TMEM117: variants seen among roughly 807,000 people sequenced by gnomAD.
TMEM117 encodes the protein transmembrane protein 117.
Under a neutral mutation model 52.4 loss-of-function variants are expected in TMEM117, and 27 were observed. That is an observed-to-expected ratio of 0.51 (90% CI 0.38 to 0.71). The LOEUF (loss-of-function observed/expected upper bound fraction) is 0.71. Among genes scored for constraint, TMEM117 ranks in the 30% least tolerant of loss-of-function variants. The pLI, the probability that TMEM117 is intolerant of heterozygous loss-of-function variation, is 0.00. For synonymous variants in TMEM117, 215 were observed against 206.3 expected, an observed-to-expected ratio of 1.04 and a Z score of -0.36; for missense variants, 556 against 630.5, an observed-to-expected ratio of 0.88 and a Z score of 1.26.
chr12:43,985,510 TATTA>T (rs1193225299), intron 3 of TMEM117, among the ~76,000 whole-genome samples: 1 of 152,206 alleles, frequency 6.6e-6, no homozygotes, highest in Non-Finnish European at 1.5e-5. Flanking sequence ...ACTTTTTACA[TATTA>T]ATTATGATAG....
At chr12:44,304,360 T>A (rs1198641284) in intron 6 of TMEM117, among the ~76,000 whole-genome samples, 1 of 152,202 alleles carries the variant, frequency 6.6e-6, no homozygotes, top group African/African-American at 2.4e-5. Context: ...TAAAGTGCTT[T>A]GGGATCCCAA....
intron 6 of TMEM117, among the ~76,000 whole-genome samples, chr12:44,365,168 CT>C (rs751262261): frequency 2.3e-4 from 35 of 152,010 alleles, no homozygotes; most frequent in Non-Finnish European, 5.9e-5. Context: ...AAATGCATAT[CT>C]CAGCCTGCAT....
chr12:44,074,413 C>T (rs896800541), intron 3 of TMEM117, among the ~76,000 whole-genome samples: 15 of 151,944 alleles, frequency 9.9e-5, no homozygotes, highest in African/African-American at 2.9e-4. Context: ...AAATTAATAG[C>T]GCCTATGGAA....
chr12:43,921,186 C>T (rs1231502854), intron 2 of TMEM117, among the ~76,000 whole-genome samples: 1 of 152,138 alleles, frequency 6.6e-6, no homozygotes, highest in Non-Finnish European at 1.5e-5. Flanking sequence ...CTCTATCTGT[C>T]TTATCTATCT....
chr12:43,908,549 G>A (rs1350460810), intron 2 of TMEM117, among the ~76,000 whole-genome samples: 2 of 150,888 alleles, frequency 1.3e-5, no homozygotes, highest in South Asian at 2.1e-4. Flanking sequence ...GACACAGACT[G>A]GCAAATTGGA....
chr12:44,275,002 A>G lies in TMEM117; in HGVS notation c.609-24578A>G, dbSNP rs1259910166. ...TTCTGCACAGCAGTGGAAACAATCAACAAAGTAAAAATCCCACAGAATGGG... is the reference window on the plus strand; with the variant it reads ...TTCTGCACAGCAGTGGAAACAATCAGCAAAGTAAAAATCCCACAGAATGGG... On this transcript the variant is annotated intron_variant, in intron 5 of 7. Coordinates refer to ENST00000266534, the MANE Select transcript of TMEM117 (RefSeq NM_032256.3). Among the ~76,000 whole-genome samples, 4 of 152,122 alleles carry G rather than the reference A, an allele frequency of 2.6e-5. No homozygotes were observed. The East Asian group carries it at 7.7e-4, about 29-fold the overall frequency.
At chr12:43,862,528 G>A (rs1450210098) in intron 2 of TMEM117, among the ~76,000 whole-genome samples, 7 of 152,228 alleles carry the variant, frequency 4.6e-5, no homozygotes, top group East Asian at 1.9e-4. Context: ...ATAACCTAAC[G>A]TCCTGAATGC....
chr12:44,312,688 A>G (rs1031281826), intron 6 of TMEM117, among the ~76,000 whole-genome samples: 28 of 152,146 alleles, frequency 1.8e-4, no homozygotes, highest in African/African-American at 6.5e-4. Flanking sequence ...GAAATCTCCA[A>G]ATTGCTTTCC....
In TMEM117 at chr12:44,364,473, C is replaced by A. The variant is rs17094537; in HGVS notation, c.769-12122C>A. ...CAGAGATATTATATGAAGCTTCAAC[C>A]TCACAATAACATTACAGATTAGTTT... On this transcript the variant is annotated intron_variant, in intron 6 of 7. Transcript: ENST00000266534. 6.4e-3 allele frequency among the ~76,000 whole-genome samples: 974 copies of A among 152,092 alleles called. 13 individuals are homozygous for A. Among genetic ancestry groups the A allele is most frequent in the African/African-American group, 0.022 (896 of 41,524 alleles).
At chr12:44,242,837 A>G (rs1287036925) in intron 5 of TMEM117, among the ~76,000 whole-genome samples, 4 of 151,530 alleles carry the variant, frequency 2.6e-5, no homozygotes, top group Non-Finnish European at 5.9e-5. Flanking sequence ...AGGAATCACC[A>G]TACTGCTTTC....
At chr12:44,321,047 A>G (rs1183426933) in intron 6 of TMEM117, among the ~76,000 whole-genome samples, 3 of 152,192 alleles carry the variant, frequency 2.0e-5, no homozygotes, top group African/African-American at 7.2e-5. Flanking sequence ...TTTCGGATCA[A>G]TGTACTTGTG....
At position 44,254,756 on chromosome 12, in the gene TMEM117, C is replaced by A. The variant is rs192805647; in HGVS notation, c.608+43369C>A. On this transcript the variant is annotated intron_variant, in intron 5 of 7. Transcript: ENST00000266534. ...ATGTGCCATGTTGATGTGCTGCACC[C>A]ATTAACTCGTCATTTAGCATTAGGT... Among the ~76,000 whole-genome samples the A allele has an allele frequency of 9.9e-3, 1,506 of 152,020 alleles. 32 individuals carry two copies. Among genetic ancestry groups the A allele is most frequent in the African/African-American group, 0.034 (1,422 of 41,466 alleles).
intron 3 of TMEM117, among the ~76,000 whole-genome samples, chr12:44,123,614 C>A (rs1948273512): frequency 1.3e-5 from 2 of 152,190 alleles, no homozygotes. Flanking sequence ...CAATTTTCTG[C>A]ATATGGCTAG....
At chr12:44,150,370 A>C (rs1292356382) in intron 4 of TMEM117, among the ~76,000 whole-genome samples, 2 of 152,216 alleles carry the variant, frequency 1.3e-5, no homozygotes, top group East Asian at 3.9e-4. Flanking sequence ...TGTCACATAA[A>C]GTCTGCCCTC....
chr12:44,246,902 G>T (rs1950137883), intron 5 of TMEM117, among the ~76,000 whole-genome samples: 2 of 152,158 alleles, frequency 1.3e-5, no homozygotes, highest in Non-Finnish European at 1.5e-5. Context: ...TAAAAACATT[G>T]CTGGGCCCTG....
At chr12:44,039,913 A>G (rs1373972139) in intron 3 of TMEM117, among the ~76,000 whole-genome samples, 1 of 152,218 alleles carries the variant, frequency 6.6e-6, no homozygotes, top group African/African-American at 2.4e-5. Flanking sequence ...GGTATATAGT[A>G]GGTGCTCAAT....
At chr12:44,191,211 C>G (rs1949348229) in intron 4 of TMEM117, among the ~76,000 whole-genome samples, 1 of 151,936 alleles carries the variant, frequency 6.6e-6, no homozygotes, top group Non-Finnish European at 1.5e-5. Context: ...AGAATTAACT[C>G]ACTATCACGA....
intron 6 of TMEM117, among the ~76,000 whole-genome samples, chr12:44,332,594 A>G (rs924324899): frequency 1.3e-5 from 2 of 152,044 alleles, no homozygotes; most frequent in African/African-American, 4.8e-5. Flanking sequence ...CTAGAATTTC[A>G]TAGAATTAGG....
At chr12:44,105,491 A>G (rs1947937136) in intron 3 of TMEM117, among the ~76,000 whole-genome samples, 1 of 147,692 alleles carries the variant, frequency 6.8e-6, no homozygotes, top group South Asian at 2.1e-4. Flanking sequence ...CATTTCTTCA[A>G]AGTGTGTTTT....
Sources: allele counts gnomAD v4.1 joint callset (sites outside exome capture counted in the v4.1 genomes callset), GRCh38; gene constraint gnomAD v4.1.1; transcripts MANE v1.5; gene names NCBI Gene and HGNC (gene_info 2026-07-23, HGNC 2026-07-21).